Variants in B3GALT1 observed in about 807,000 individuals in gnomAD.
B3GALT1 encodes the protein UDP-Gal:betaGlcNAc beta 1,3-galactosyltransferase, polypeptide 1.
B3GALT1 carries 10 observed loss-of-function variants against 23.2 expected under a neutral mutation model. The ratio of observed to expected loss-of-function variants is 0.43; its 90% CI spans 0.27 to 0.73. The LOEUF is 0.73. B3GALT1 is among the 30% of genes least tolerant of loss of function. B3GALT1 has a pLI of 0.21. For synonymous variants in B3GALT1, 156 were observed against 141.5 expected (o/e 1.10, Z -0.73); for missense variants, 299 against 405.4 (o/e 0.74, Z 2.25).
chr2:167,775,366 C>A (rs185058140), intron 3 of B3GALT1, among the ~76,000 whole-genome samples: 1 of 152,018 alleles, frequency 6.6e-6, no homozygotes, highest in Non-Finnish European at 1.5e-5. Context: ...GTCAGGAGTT[C>A]GAGACCAGCC....
chr2:167,771,327 C>T (rs1005151468), intron 3 of B3GALT1, among the ~76,000 whole-genome samples: 4 of 152,264 alleles, frequency 2.6e-5, no homozygotes, highest in African/African-American at 7.2e-5. Context: ...CAGTGGCTCA[C>T]GCCTGTAATC....
intron 1 of B3GALT1, among the ~76,000 whole-genome samples, chr2:167,382,599 C>T (rs535794623): frequency 6.6e-6 from 1 of 152,152 alleles, no homozygotes; most frequent in Admixed American, 6.6e-5. Context: ...CAAAAAACAA[C>T]CACTTTTAGA....
chr2:167,524,676 C>A (rs1413619813), intron 2 of B3GALT1, among the ~76,000 whole-genome samples: 1 of 152,306 alleles, frequency 6.6e-6, no homozygotes, highest in African/African-American at 2.4e-5. Flanking sequence ...AGTAACTCAT[C>A]TATGCTCCTC....
At chr2:167,852,467 GGTGTGTGTGT>G (rs66820655) in intron 4 of B3GALT1, among the ~76,000 whole-genome samples, 20 of 146,474 alleles carry the variant, frequency 1.4e-4, no homozygotes, top group African/African-American at 2.8e-4. Flanking sequence ...TATTCGTGAT[GGTGTGTGTGT>G]GTGTGTGTGT....
At chr2:167,476,919 T>TTA (rs542714127) in intron 1 of B3GALT1, among the ~76,000 whole-genome samples, 2 of 152,294 alleles carry the variant, frequency 1.3e-5, no homozygotes, top group African/African-American at 4.8e-5. Context: ...AAAGCCTCTC[T>TTA]TAAATAAGTA....
At chr2:167,691,177 A>T (rs1686704932) in intron 3 of B3GALT1, among the ~76,000 whole-genome samples, 1 of 152,102 alleles carries the variant, frequency 6.6e-6, no homozygotes, top group Non-Finnish European at 1.5e-5. Context: ...GTAGGTCTAG[A>T]TCACTTTCCT....
rs72876830 is a variant in B3GALT1 at position 167,713,201 on chromosome 2, T to C, written c.-352+66235T>C. ...TAGAAACAAGTAATTACACAACTTA[T>C]TAGCTTACTACAAGTTCACTGATAA... is the stretch of plus-strand genomic sequence containing the variant. On this transcript the variant is annotated intron_variant, in intron 3 of 4. Transcript: ENST00000392690. Among the ~76,000 whole-genome samples the C allele has an allele frequency of 7.7e-3, 1,170 of 152,326 alleles. 9 individuals are homozygous for C. The highest frequency in any genetic ancestry group is 0.011 in the Non-Finnish European group (723 of 68,030).
chr2:167,373,810 C>T (rs1409727358), intron 1 of B3GALT1, among the ~76,000 whole-genome samples: 1 of 152,132 alleles, frequency 6.6e-6, no homozygotes, highest in Non-Finnish European at 1.5e-5. Context: ...CCATCTGCCT[C>T]GGCTTCCCAA....
chr2:167,582,671 A>G (rs1684508961), intron 2 of B3GALT1, among the ~76,000 whole-genome samples: 1 of 152,078 alleles, frequency 6.6e-6, no homozygotes, highest in Non-Finnish European at 1.5e-5. Flanking sequence ...GATCTAGTAC[A>G]TTGGTTAGGA....
chr2:167,860,291 A>G (rs932238045), intron 4 of B3GALT1, among the ~76,000 whole-genome samples: 13 of 152,182 alleles, frequency 8.5e-5, no homozygotes, highest in African/African-American at 2.9e-4. Context: ...CCCCTTTTCA[A>G]TATCATGATG....
chr2:167,734,812 A>G (rs948638989), intron 3 of B3GALT1, among the ~76,000 whole-genome samples: 1 of 151,822 alleles, frequency 6.6e-6, no homozygotes, highest in Non-Finnish European at 1.5e-5. Context: ...TGTTCATCAT[A>G]TTTTCTCTGC....
At chr2:167,691,869 A>G (rs1311283905) in intron 3 of B3GALT1, among the ~76,000 whole-genome samples, 1 of 152,170 alleles carries the variant, frequency 6.6e-6, no homozygotes, top group East Asian at 1.9e-4. Context: ...GTGCATATAT[A>G]AGTAAATAAG....
chr2:167,835,955 G>T (rs1045405410), intron 4 of B3GALT1, among the ~76,000 whole-genome samples: 1 of 152,172 alleles, frequency 6.6e-6, no homozygotes, highest in Admixed American at 6.5e-5. Context: ...CAACAGACCT[G>T]CAGCTGAGGG....
intron 4 of B3GALT1, among the ~76,000 whole-genome samples, chr2:167,835,177 G>C (rs951612523): frequency 4.6e-5 from 7 of 152,122 alleles, no homozygotes; most frequent in African/African-American, 1.7e-4. Flanking sequence ...CCAGACAGTG[G>C]GTGCAGGTTA....
chr2:167,440,169 C>G (rs977716320), intron 1 of B3GALT1, among the ~76,000 whole-genome samples: 6 of 151,520 alleles, frequency 4.0e-5, no homozygotes, highest in African/African-American at 1.5e-4. Flanking sequence ...TGGTGAAACC[C>G]CATCTCTACT....
At chr2:167,666,417 G>A (rs1246201882) in intron 3 of B3GALT1, among the ~76,000 whole-genome samples, 7 of 152,116 alleles carry the variant, frequency 4.6e-5, no homozygotes, top group African/African-American at 1.7e-4. Flanking sequence ...TGAAAAAAAT[G>A]TATATTCTGT....
chr2:167,545,567 T>C (rs1403857872), intron 2 of B3GALT1, among the ~76,000 whole-genome samples: 1 of 152,118 alleles, frequency 6.6e-6, no homozygotes, highest in East Asian at 1.9e-4. Context: ...GGGAAGTCCC[T>C]ATTGTCCCAG....
In B3GALT1 at chr2:167,432,956, C is replaced by T. The variant is rs138435478; in HGVS notation, c.-510-57221C>T. Among the ~76,000 whole-genome samples, 627 of 152,264 alleles carry T rather than the reference C, an allele frequency of 4.1e-3. 9 individuals carry two copies. The highest frequency in any genetic ancestry group is 0.014 in the African/African-American group (597 of 41,556). ...AATATCACCCAAATTCTGTGGTTTA[C>T]ATTGGGCCTCACTCTTGGTATTGTA... On this transcript the variant is annotated intron_variant, in intron 1 of 4. Coordinates refer to ENST00000392690, the MANE Select transcript of B3GALT1 (RefSeq NM_020981.4).
chr2:167,522,452 C>T (rs139356807), intron 2 of B3GALT1, among the ~76,000 whole-genome samples: 1 of 152,060 alleles, frequency 6.6e-6, no homozygotes, highest in Non-Finnish European at 1.5e-5. Context: ...GAATTAGCAG[C>T]AGATTGACAC....
Sources: allele counts gnomAD v4.1 joint callset (sites outside exome capture counted in the v4.1 genomes callset), GRCh38; gene constraint gnomAD v4.1.1; transcripts MANE v1.5; gene names NCBI Gene and HGNC (gene_info 2026-07-23, HGNC 2026-07-21).